Variants in WDPCP observed in about 807,000 individuals in gnomAD.
The protein encoded by WDPCP is WD repeat-containing and planar cell polarity effector protein fritz homolog.
In WDPCP, 71 loss-of-function variants were observed where a neutral mutation model predicts 93.1. That is an observed-to-expected ratio of 0.76 (90% CI 0.63 to 0.93). The LOEUF (loss-of-function observed/expected upper bound fraction) is 0.93, where lower values mean the gene tolerates loss of function less well. Ranked by LOEUF, WDPCP falls within the 40% of genes least tolerant of loss-of-function variation. The pLI, the probability that WDPCP is intolerant of heterozygous loss-of-function variation, is 0.00. For synonymous variants in WDPCP, 315 were observed against 315.0 expected (o/e 1.00, Z 0.00); for missense variants, 844 against 887.4 (o/e 0.95, Z 0.62).
Position 63,588,364 on chromosome 2 carries a change from A to ACGCCGCCGC in WDPCP, c.-102_-94dup. The ACGCCGCCGC allele has an allele frequency of 2.1e-6, 3 of 1,437,034 alleles. No individual in the cohort carries two copies. Among genetic ancestry groups the ACGCCGCCGC allele is most frequent in the East Asian group, 2.5e-5 (1 of 40,352 alleles). The allele number at this position is 1,437,034 out of a possible 1,614,324, so 89.0% of individuals were successfully genotyped here. A position where few individuals can be genotyped will look rare whatever the true frequency, so the allele number is the denominator to read the frequency against. ...TCGCTTGGTCTCTTGGGTCTCCAGG[A>ACGCCGCCGC]CGCCGCCGCCGCCGCCACAGTTTCC... On this transcript the variant is annotated 5_prime_UTR_variant, in exon 1 of 18. Transcript: ENST00000272321.
intron 14 of WDPCP, among the ~76,000 whole-genome samples, chr2:63,192,718 T>G (rs902710396): frequency 2.0e-5 from 3 of 152,242 alleles, no homozygotes; most frequent in African/African-American, 7.2e-5. Flanking sequence ...GAGAACTTAT[T>G]GCTGTTATAC....
intron 6 of WDPCP, among the ~76,000 whole-genome samples, chr2:63,477,533 A>G (rs1700040075): frequency 6.6e-6 from 1 of 152,160 alleles, no homozygotes; most frequent in Non-Finnish European, 1.5e-5. Context: ...GATAGGAGGC[A>G]GGACTAAACT....
At chr2:63,547,672 C>T (rs1419787977) in intron 1 of WDPCP, among the ~76,000 whole-genome samples, 1 of 149,860 alleles carries the variant, frequency 6.7e-6, no homozygotes, top group Non-Finnish European at 1.5e-5. Context: ...TGGAGGTCAT[C>T]ATGTTAGTGA....
intron 3 of WDPCP, chr2:63,606,802 T>G (rs922706748): frequency 8.5e-5 from 115 of 1,357,000 alleles, no homozygotes; most frequent in Non-Finnish European, 1.1e-4. Context: ...CAAACAAGGT[T>G]GTTGCTTACT....
chr2:63,253,505 G>A (rs1270018539), intron 14 of WDPCP, among the ~76,000 whole-genome samples: 1 of 151,942 alleles, frequency 6.6e-6, no homozygotes, highest in African/African-American at 2.4e-5. Context: ...TTTAACAAAG[G>A]ACTAATAAGC....
chr2:63,615,239 G>A (rs777484889), intron 3 of WDPCP, among the ~76,000 whole-genome samples: 14 of 152,124 alleles, frequency 9.2e-5, no homozygotes, highest in East Asian at 1.9e-4. Context: ...ACATACATAC[G>A]GTGGATCCCA....
At chr2:63,252,254 C>T (rs1432440006) in intron 14 of WDPCP, among the ~76,000 whole-genome samples, 1 of 151,976 alleles carries the variant, frequency 6.6e-6, no homozygotes, top group Non-Finnish European at 1.5e-5. Context: ...GATAAAAAAC[C>T]CTCAACAAGC....
At chr2:63,684,845 G>A in intron 2 of WDPCP, 2 of 302,276 alleles carry the variant, frequency 6.6e-6, no homozygotes, top group Non-Finnish European at 1.3e-5. Context: ...ACAATCACAT[G>A]GAAATTAAAC....
At chr2:63,242,498 T>C (rs1574964541) in intron 14 of WDPCP, among the ~76,000 whole-genome samples, 1 of 152,206 alleles carries the variant, frequency 6.6e-6, no homozygotes, top group East Asian at 1.9e-4. Flanking sequence ...GTTGCACTCC[T>C]ATAGTCCCAG....
intron 2 of WDPCP, among the ~76,000 whole-genome samples, chr2:63,695,042 T>C (rs139745429): frequency 5.9e-5 from 9 of 152,004 alleles, no homozygotes; most frequent in East Asian, 1.9e-4. Flanking sequence ...ACCAACAGAG[T>C]TGTGAATTCA....
intron 3 of WDPCP, among the ~76,000 whole-genome samples, chr2:63,596,207 T>C (rs1709309568): frequency 6.6e-6 from 1 of 152,356 alleles, no homozygotes; most frequent in African/African-American, 2.4e-5. Context: ...ATCATAGTCT[T>C]TCTTTTGGTA....
At chr2:63,547,305 T>G (rs1393460245) in intron 1 of WDPCP, among the ~76,000 whole-genome samples, 2 of 152,104 alleles carry the variant, frequency 1.3e-5, no homozygotes, top group Non-Finnish European at 2.9e-5. Flanking sequence ...TATTAAACAC[T>G]GCTGGTGGGA....
chr2:63,256,210 T>A (rs1424792905), intron 14 of WDPCP, among the ~76,000 whole-genome samples: 1 of 152,114 alleles, frequency 6.6e-6, no homozygotes, highest in African/African-American at 2.4e-5. Flanking sequence ...GATTTTGAGA[T>A]TTATATGGAA....
intron 9 of WDPCP, among the ~76,000 whole-genome samples, chr2:63,420,515 C>T (rs1390912276): frequency 3.5e-5 from 5 of 142,484 alleles, no homozygotes; most frequent in Non-Finnish European, 7.6e-5. Context: ...GCCTGGGCAA[C>T]AGAAGTGAAA....
chr2:63,435,047 T>A (rs1697044443), intron 8 of WDPCP, among the ~76,000 whole-genome samples: 1 of 152,146 alleles, frequency 6.6e-6, no homozygotes, highest in Non-Finnish European at 1.5e-5. Flanking sequence ...TCTATTTGCA[T>A]GGCCATAATA....
intron 6 of WDPCP, among the ~76,000 whole-genome samples, chr2:63,481,391 G>A (rs1000987696): frequency 2.0e-5 from 3 of 151,942 alleles, no homozygotes; most frequent in Non-Finnish European, 2.9e-5. Flanking sequence ...CCACTACTGG[G>A]TATCTACCGA....
intron 6 of WDPCP, among the ~76,000 whole-genome samples, chr2:63,453,564 T>C (rs982140097): frequency 2.6e-5 from 4 of 152,158 alleles, no homozygotes; most frequent in African/African-American, 7.2e-5. Context: ...GAACTAGAAA[T>C]ACCATTTGAT....
intron 2 of WDPCP, among the ~76,000 whole-genome samples, chr2:63,686,880 C>A (rs1174408286): frequency 2.8e-4 from 17 of 60,870 alleles, no homozygotes. Context: ...ATATTCAGAT[C>A]CACATTCTGT....
At chr2:63,505,170 T>C (rs1417857266) in intron 1 of WDPCP, among the ~76,000 whole-genome samples, 2 of 152,082 alleles carry the variant, frequency 1.3e-5, no homozygotes, top group African/African-American at 4.8e-5. Context: ...AATATTGTAA[T>C]TGGATCTTCC....
Sources: allele counts gnomAD v4.1 joint callset (sites outside exome capture counted in the v4.1 genomes callset), GRCh38; gene constraint gnomAD v4.1.1; transcripts MANE v1.5; gene names NCBI Gene and HGNC (gene_info 2026-07-23, HGNC 2026-07-21).